Variants in ZNF385D observed in about 807,000 individuals in gnomAD.
ZNF385D encodes the protein zinc finger protein 385D.
A neutral mutation model predicts 35.8 loss-of-function variants in ZNF385D; 15 were observed. That is an observed-to-expected ratio of 0.42 (90% CI 0.28 to 0.64). The LOEUF (loss-of-function observed/expected upper bound fraction) is 0.64, where lower values mean the gene tolerates loss of function less well. Ranked by LOEUF, ZNF385D falls within the 30% of genes least tolerant of loss-of-function variation. The probability of loss-of-function intolerance (pLI) is 0.23; values close to 1 mark genes in which losing one functional copy is unlikely to be tolerated. For synonymous variants in ZNF385D, 212 were observed against 186.8 expected, an observed-to-expected ratio of 1.13 and a Z score of -1.10; for missense variants, 474 against 494.6, an observed-to-expected ratio of 0.96 and a Z score of 0.39.
chr3:21,668,086 G>A lies in ZNF385D; in HGVS notation c.23-3058C>T, dbSNP rs186979336. Among the ~76,000 whole-genome samples, 26 of 152,324 alleles carry A rather than the reference G, an allele frequency of 1.7e-4. No homozygotes were observed. The East Asian group carries it at 4.4e-3, about 26-fold the overall frequency. On this transcript the variant is annotated intron_variant, in intron 1 of 7. Coordinates refer to ENST00000281523, the MANE Select transcript of ZNF385D (RefSeq NM_024697.3). ...GACTATCTGCTATGCAAATACAGGT[G>A]TAGGGATGCTGTGGGTCTGATTCCC...
At chr3:22,096,011 G>A (rs1701601867) in intron 3 of ZNF385D, among the ~76,000 whole-genome samples, 1 of 151,906 alleles carries the variant, frequency 6.6e-6, no homozygotes, top group Non-Finnish European at 1.5e-5. Context: ...GCTGGAGATT[G>A]GAGGTTACTT....
At chr3:22,325,082 G>T (rs1340659790) in intron 2 of ZNF385D, among the ~76,000 whole-genome samples, 2 of 152,116 alleles carry the variant, frequency 1.3e-5, no homozygotes, top group Non-Finnish European at 2.9e-5. Context: ...TATAGTGCAC[G>T]CCACAGAGTG....
intron 4 of ZNF385D, among the ~76,000 whole-genome samples, chr3:21,468,401 C>CAAAAAAAAAAAAAA (rs1175784477): frequency 1.4e-5 from 1 of 72,652 alleles, no homozygotes; most frequent in African/African-American, 5.9e-5. Flanking sequence ...GACACTGTCT[C>CAAAAAAAAAAAAAA]AAAAAAAAAA....
intron 3 of ZNF385D, among the ~76,000 whole-genome samples, chr3:21,761,111 A>C (rs1411231710): frequency 6.6e-6 from 1 of 152,110 alleles, no homozygotes; most frequent in Admixed American, 6.6e-5. Context: ...AGGAAGTGAA[A>C]ACTCCAGCCA....
At chr3:22,250,696 C>G (rs1376058523) in intron 2 of ZNF385D, among the ~76,000 whole-genome samples, 1 of 152,052 alleles carries the variant, frequency 6.6e-6, no homozygotes, top group African/African-American at 2.4e-5. Flanking sequence ...TGCCATTGCA[C>G]AGGTTATGCA....
chr3:21,999,247 C>T (rs577479958), intron 3 of ZNF385D, among the ~76,000 whole-genome samples: 227 of 152,206 alleles, frequency 1.5e-3, no homozygotes, highest in African/African-American at 4.8e-3. Context: ...CAGGTTTTCA[C>T]TGACAAACAT....
intron 3 of ZNF385D, among the ~76,000 whole-genome samples, chr3:22,048,153 G>C (rs1385035376): frequency 6.6e-6 from 1 of 151,994 alleles, no homozygotes; most frequent in East Asian, 1.9e-4. Context: ...CTTACCAGAT[G>C]GGTGGTTTGC....
At chr3:21,466,576 A>G (rs1052582091) in intron 4 of ZNF385D, among the ~76,000 whole-genome samples, 1 of 152,170 alleles carries the variant, frequency 6.6e-6, no homozygotes, top group African/African-American at 2.4e-5. Flanking sequence ...CAACACCTGT[A>G]TCTCAATTTC....
chr3:21,620,460 TTA>T (rs1462727555), intron 2 of ZNF385D, among the ~76,000 whole-genome samples: 1 of 152,126 alleles, frequency 6.6e-6, no homozygotes, highest in African/African-American at 2.4e-5. Flanking sequence ...GCAGGAAGCT[TTA>T]TGTGAATAAA....
intron 3 of ZNF385D, among the ~76,000 whole-genome samples, chr3:21,853,949 C>G (rs115032645): frequency 6.6e-6 from 1 of 151,418 alleles, no homozygotes; most frequent in South Asian, 2.1e-4. Flanking sequence ...GGACTATTGA[C>G]GGAAAAGGAA....
intron 2 of ZNF385D, among the ~76,000 whole-genome samples, chr3:21,571,213 T>G (rs2063325554): frequency 6.6e-6 from 1 of 152,184 alleles, no homozygotes. Flanking sequence ...GCTTTTGCAC[T>G]TCATAAAAAT....
At chr3:21,985,695 G>A (rs1422577474) in intron 3 of ZNF385D, among the ~76,000 whole-genome samples, 10 of 139,346 alleles carry the variant, frequency 7.2e-5, no homozygotes, top group African/African-American at 2.8e-4. Flanking sequence ...ATGAGTTAGG[G>A]AGGATTCCCT....
chr3:21,727,522 A>G (rs2068818328), intron 1 of ZNF385D, among the ~76,000 whole-genome samples: 1 of 152,234 alleles, frequency 6.6e-6, no homozygotes, highest in Non-Finnish European at 1.5e-5. Flanking sequence ...ATGAACAGAC[A>G]CTTCTCAAAA....
intron 3 of ZNF385D, among the ~76,000 whole-genome samples, chr3:21,757,120 C>CTTTTTTTT (rs61226426): frequency 0.032 from 3,354 of 106,160 alleles, 204 homozygotes; most frequent in Non-Finnish European, 0.041. Flanking sequence ...ATAAATTTCT[C>CTTTTTTTT]TTTTTTTTTT....
intron 2 of ZNF385D, among the ~76,000 whole-genome samples, chr3:21,623,234 C>T (rs955557927): frequency 6.6e-6 from 1 of 152,070 alleles, no homozygotes. Context: ...GTATCTAGAA[C>T]CTAGTGTATG....
chr3:22,085,402 C>T (rs1456762625), intron 3 of ZNF385D, among the ~76,000 whole-genome samples: 3 of 152,054 alleles, frequency 2.0e-5, no homozygotes, highest in African/African-American at 7.2e-5. Flanking sequence ...ATATCACCAC[C>T]GATCCCACGG....
intron 2 of ZNF385D, among the ~76,000 whole-genome samples, chr3:22,295,333 G>A (rs936650973): frequency 6.6e-6 from 1 of 152,102 alleles, no homozygotes; most frequent in African/African-American, 2.4e-5. Context: ...ATGAGATGTA[G>A]AATAGGCTAT....
chr3:21,810,304 C>T (rs1000733680), intron 3 of ZNF385D, among the ~76,000 whole-genome samples: 1 of 151,672 alleles, frequency 6.6e-6, no homozygotes, highest in Non-Finnish European at 1.5e-5. Flanking sequence ...AAAGCACTTA[C>T]CATTCACGAT....
At chr3:21,566,064 G>C (rs1409977219) in intron 2 of ZNF385D, among the ~76,000 whole-genome samples, 3 of 152,066 alleles carry the variant, frequency 2.0e-5, no homozygotes, top group Non-Finnish European at 4.4e-5. Context: ...AGGTTGTCTA[G>C]GTACTGTTAA....
Sources: gnomAD v4.1 joint callset for allele counts (sites outside exome capture counted in the v4.1 genomes callset) on GRCh38, gnomAD v4.1.1 for gene constraint, MANE v1.5 for transcripts, NCBI Gene and HGNC (gene_info 2026-07-23, HGNC 2026-07-21) for gene names.